Variants in HEMK2 observed in about 807,000 individuals in gnomAD.
The protein encoded by HEMK2 is HemK methyltransferase 2, ETF1 glutamine and histone H4 lysine.
the HEMK2 span, among the ~76,000 whole-genome samples, chr21:28,781,058 T>A: frequency 6.6e-6 from 1 of 152,236 alleles, no homozygotes; most frequent in Non-Finnish European, 1.5e-5. Flanking sequence ...GGTTCCTAAA[T>A]AACTTCTACA....
the HEMK2 span, among the ~76,000 whole-genome samples, chr21:28,640,490 G>A: frequency 6.6e-6 from 1 of 152,210 alleles, no homozygotes; most frequent in African/African-American, 2.4e-5. Context: ...TCAACATGCA[G>A]ATCCTAGAAA....
chr21:28,783,429 C>T, the HEMK2 span, among the ~76,000 whole-genome samples: 1 of 152,212 alleles, frequency 6.6e-6, no homozygotes, highest in Admixed American at 6.5e-5. Flanking sequence ...AGGTGATCTG[C>T]CCACCTCGGC....
chr21:28,596,030 C>T, the HEMK2 span, among the ~76,000 whole-genome samples: 85 of 150,222 alleles, frequency 5.7e-4, no homozygotes, highest in African/African-American at 1.9e-3. Flanking sequence ...ATGATCTGCC[C>T]GCCTTGGCCT....
At chr21:28,836,960 A>G in the HEMK2 span, among the ~76,000 whole-genome samples, 1 of 152,338 alleles carries the variant, frequency 6.6e-6, no homozygotes, top group East Asian at 1.9e-4. Flanking sequence ...TCCAACAGGA[A>G]AATATCACAA....
At chr21:28,670,942 G>T in the HEMK2 span, 1 of 152,322 alleles carries the variant, frequency 6.6e-6, no homozygotes, top group Non-Finnish European at 1.5e-5. Context: ...TCGACACATG[G>T]GGATTATGGG....
At chr21:28,851,789 C>G in the HEMK2 span, among the ~76,000 whole-genome samples, 11 of 152,286 alleles carry the variant, frequency 7.2e-5, no homozygotes, top group African/African-American at 2.6e-4. Flanking sequence ...AAGACAATGA[C>G]ACAAAGTCAG....
At chr21:28,692,859 T>C in the HEMK2 span, among the ~76,000 whole-genome samples, 768 of 152,252 alleles carry the variant, frequency 5.0e-3, 5 homozygotes, top group African/African-American at 0.018. Flanking sequence ...ATGATGAACT[T>C]TGAAAACATT....
the HEMK2 span, among the ~76,000 whole-genome samples, chr21:28,823,337 A>C: frequency 6.6e-6 from 1 of 152,224 alleles, no homozygotes; most frequent in African/African-American, 2.4e-5. Context: ...GTCCATGATA[A>C]CACTTAGAAA....
chr21:28,813,891 T>G, the HEMK2 span, among the ~76,000 whole-genome samples: 1 of 152,192 alleles, frequency 6.6e-6, no homozygotes, highest in African/African-American at 2.4e-5. Flanking sequence ...AAACTGAAAC[T>G]GGACCCCTTC....
At chr21:28,784,553 A>G in the HEMK2 span, among the ~76,000 whole-genome samples, 1 of 151,720 alleles carries the variant, frequency 6.6e-6, no homozygotes, top group African/African-American at 2.4e-5. Flanking sequence ...CAAGGTTTGT[A>G]AATGCACCAA....
the HEMK2 span, among the ~76,000 whole-genome samples, chr21:28,755,729 C>A: frequency 2.0e-5 from 3 of 152,164 alleles, no homozygotes; most frequent in Non-Finnish European, 2.9e-5. Context: ...TCACTGTCTA[C>A]ACAGGTATGA....
chr21:28,653,824 C>T, the HEMK2 span, among the ~76,000 whole-genome samples: 33,395 of 152,002 alleles, frequency 0.22, 4,067 homozygotes, highest in East Asian at 0.38. Flanking sequence ...AGCAACAAAA[C>T]CAGATATTAT....
the HEMK2 span, among the ~76,000 whole-genome samples, chr21:28,591,697 T>G: frequency 6.6e-6 from 1 of 152,096 alleles, no homozygotes; most frequent in Admixed American, 6.6e-5. Flanking sequence ...CCTCTCCCTT[T>G]TCCCACCCTC....
chr21:28,813,660 T>C, the HEMK2 span, among the ~76,000 whole-genome samples: 17 of 152,090 alleles, frequency 1.1e-4, no homozygotes, highest in Non-Finnish European at 2.9e-5. Flanking sequence ...AGGCATCACA[T>C]TACCTGACTT....
the HEMK2 span, among the ~76,000 whole-genome samples, chr21:28,805,707 T>C: frequency 6.6e-6 from 1 of 152,148 alleles, no homozygotes; most frequent in South Asian, 2.1e-4. Context: ...TTATAGGTGC[T>C]ACATGCTTTA....
the HEMK2 span, among the ~76,000 whole-genome samples, chr21:28,846,041 T>G: frequency 6.6e-6 from 1 of 152,200 alleles, no homozygotes; most frequent in African/African-American, 2.4e-5. Flanking sequence ...AGTGAGAATA[T>G]GTGGTATTTA....
the HEMK2 span, among the ~76,000 whole-genome samples, chr21:28,583,431 C>T: frequency 0.064 from 9,726 of 152,232 alleles, 394 homozygotes; most frequent in African/African-American, 0.12. Context: ...CATGCAGACC[C>T]TGTGAAAAGT....
chr21:28,795,762 G>A, the HEMK2 span, among the ~76,000 whole-genome samples: 1 of 152,222 alleles, frequency 6.6e-6, no homozygotes, highest in Non-Finnish European at 1.5e-5. Context: ...TGAATTTGGA[G>A]CACAGGTTTG....
the HEMK2 span, among the ~76,000 whole-genome samples, chr21:28,816,347 T>C: frequency 1.2e-4 from 19 of 152,166 alleles, no homozygotes; most frequent in African/African-American, 4.3e-4. Context: ...AAGATCTATA[T>C]CCCAGGGAAA....
Sources: gnomAD v4.1 joint callset for allele counts (sites outside exome capture counted in the v4.1 genomes callset) on GRCh38, gnomAD v4.1.1 for gene constraint, MANE v1.5 for transcripts, NCBI Gene and HGNC (gene_info 2026-07-23, HGNC 2026-07-21) for gene names.